BBS9: variants seen among roughly 807,000 people sequenced by gnomAD.
The protein encoded by BBS9 is Bardet-Biedl syndrome 9.
In BBS9, 89 loss-of-function variants were observed where a neutral mutation model predicts 117.7. That is an observed-to-expected ratio of 0.76 (90% CI 0.64 to 0.90). The LOEUF (loss-of-function observed/expected upper bound fraction) is 0.90, where lower values mean the gene tolerates loss of function less well. Ranked by LOEUF, BBS9 falls within the 40% of genes least tolerant of loss-of-function variation. The probability of loss-of-function intolerance (pLI) is 0.00; values close to 1 mark genes in which losing one functional copy is unlikely to be tolerated. For synonymous variants in BBS9, 379 were observed against 370.9 expected (o/e 1.02, Z -0.25); for missense variants, 982 against 1,042.2 (o/e 0.94, Z 0.80).
intron 5 of BBS9, among the ~76,000 whole-genome samples, chr7:33,234,402 C>T (rs1429615185): frequency 6.6e-6 from 1 of 151,918 alleles, no homozygotes; most frequent in Non-Finnish European, 1.5e-5. Context: ...TTGATATATG[C>T]ATGCATTATA....
chr7:33,224,763 A>C (rs1790927263), intron 5 of BBS9, among the ~76,000 whole-genome samples: 1 of 152,164 alleles, frequency 6.6e-6, no homozygotes, highest in Non-Finnish European at 1.5e-5. Flanking sequence ...TTAGATGTAG[A>C]GGACTGGTCA....
At chr7:33,437,842 C>G (rs1835536803) in intron 19 of BBS9, among the ~76,000 whole-genome samples, 1 of 152,198 alleles carries the variant, frequency 6.6e-6, no homozygotes, top group Non-Finnish European at 1.5e-5. Context: ...TGCCACTGCA[C>G]TCCAGCCTGG....
intron 9 of BBS9, among the ~76,000 whole-genome samples, chr7:33,281,826 T>C (rs1211548726): frequency 2.6e-5 from 4 of 152,054 alleles, no homozygotes; most frequent in Non-Finnish European, 5.9e-5. Context: ...TTATTATTAT[T>C]ATTTTTGTGA....
chr7:33,212,428 C>T (rs938455334), intron 5 of BBS9, among the ~76,000 whole-genome samples: 1 of 152,132 alleles, frequency 6.6e-6, no homozygotes, highest in Non-Finnish European at 1.5e-5. Flanking sequence ...TTATGTCAAT[C>T]TCTTTGTTAC....
chr7:33,132,259 A>G (rs1394677737), intron 1 of BBS9, among the ~76,000 whole-genome samples: 1 of 152,200 alleles, frequency 6.6e-6, no homozygotes, highest in African/African-American at 2.4e-5. Flanking sequence ...ACCGCACATC[A>G]CTTAACTAGT....
intron 9 of BBS9, among the ~76,000 whole-genome samples, chr7:33,299,274 C>G (rs1209310037): frequency 6.6e-6 from 1 of 152,046 alleles, no homozygotes; most frequent in African/African-American, 2.4e-5. Context: ...TATTTTTAGT[C>G]TTCAAATTAC....
chr7:33,205,295 A>T (rs187191126), intron 5 of BBS9, among the ~76,000 whole-genome samples: 8 of 152,160 alleles, frequency 5.3e-5, no homozygotes, highest in Admixed American at 4.6e-4. Context: ...GTGCTTGTTC[A>T]TTATGAGAAA....
chr7:33,402,508 T>A (rs1829077512), intron 19 of BBS9, among the ~76,000 whole-genome samples: 1 of 152,196 alleles, frequency 6.6e-6, no homozygotes, highest in Admixed American at 6.6e-5. Context: ...TTACACCTAA[T>A]CCTCACTCCC....
In BBS9 at chr7:33,578,881, A is replaced by G. The variant is rs367591375; in HGVS notation, c.2522-25984A>G. 7.0e-4 allele frequency among the ~76,000 whole-genome samples: 102 copies of G among 145,668 alleles called. 4 individuals carry two copies. In the East Asian group the frequency reaches 0.012, roughly 18 times the overall value. ...ATTCAGAATATACTTAGCAAAGCATATGCAAAAACATATGCAAGAACTAGT... is the reference window on the plus strand; with the variant it reads ...ATTCAGAATATACTTAGCAAAGCATGTGCAAAAACATATGCAAGAACTAGT... On this transcript the variant is annotated intron_variant, in intron 21 of 22. Coordinates refer to ENST00000242067, the MANE Select transcript of BBS9 (RefSeq NM_198428.3).
intron 21 of BBS9, among the ~76,000 whole-genome samples, chr7:33,569,587 C>CT (rs35050430): frequency 0.078 from 11,616 of 148,820 alleles, 519 homozygotes; most frequent in Middle Eastern, 0.094. Flanking sequence ...CCCATCTCTA[C>CT]TTAAAAAAAA....
chr7:33,516,243 C>A (rs1563287750), intron 20 of BBS9, among the ~76,000 whole-genome samples: 1 of 152,014 alleles, frequency 6.6e-6, no homozygotes, highest in Non-Finnish European at 1.5e-5. Context: ...GTAATCCCAG[C>A]ACTTTGGGAG....
At chr7:33,547,757 T>A (rs1483267634) in intron 21 of BBS9, among the ~76,000 whole-genome samples, 1 of 152,222 alleles carries the variant, frequency 6.6e-6, no homozygotes, top group Non-Finnish European at 1.5e-5. Context: ...CTTTCATAGT[T>A]CTTTTACCTC....
chr7:33,343,849 CA>C (rs201818587), intron 11 of BBS9, among the ~76,000 whole-genome samples: 10,292 of 152,016 alleles, frequency 0.068, 388 homozygotes, highest in African/African-American at 0.08. Context: ...TCATTAGCTG[CA>C]TGTCTTAGAT....
intron 9 of BBS9, among the ~76,000 whole-genome samples, chr7:33,305,879 T>G (rs905894617): frequency 6.6e-6 from 1 of 152,086 alleles, no homozygotes; most frequent in South Asian, 2.1e-4. Flanking sequence ...TCTTTTGTAT[T>G]GTGTTCTTCA....
At chr7:33,631,551 G>A (rs1252203237) in intron 21 of BBS9, among the ~76,000 whole-genome samples, 1 of 152,180 alleles carries the variant, frequency 6.6e-6, no homozygotes, top group Non-Finnish European at 1.5e-5. Flanking sequence ...GGCCAAGCAT[G>A]ATTTCGAGGC....
In BBS9 at chr7:33,354,145, G is replaced by A. The variant is rs181545859; in HGVS notation, c.1552+1272G>A. ...AGTGTTTCAATACAAAGTGAAAGCT[G>A]GTTTTAATAATCTCTTTGATATATT... On this transcript the variant is annotated intron_variant, in intron 15 of 22. Coordinates refer to ENST00000242067, the MANE Select transcript of BBS9 (RefSeq NM_198428.3). Among the ~76,000 whole-genome samples the A allele has an allele frequency of 1.8e-3, 270 of 152,156 alleles. 4 individuals carry two copies. In the South Asian group the frequency reaches 0.032, roughly 18 times the overall value.
intron 9 of BBS9, among the ~76,000 whole-genome samples, chr7:33,278,271 CAG>C (rs1801165125): frequency 6.6e-6 from 1 of 152,188 alleles, no homozygotes; most frequent in Admixed American, 6.5e-5. Context: ...TTCCTACTGA[CAG>C]GGGGCATAGT....
chr7:33,307,449 G>T (rs1418963058), intron 9 of BBS9, among the ~76,000 whole-genome samples: 1 of 151,630 alleles, frequency 6.6e-6, no homozygotes, highest in African/African-American at 2.4e-5. Flanking sequence ...TACAAAATTG[G>T]CTTGTCCAGT....
intron 5 of BBS9, among the ~76,000 whole-genome samples, chr7:33,245,473 CTAAT>C (rs1397359009): frequency 1.3e-5 from 2 of 152,086 alleles, no homozygotes. Flanking sequence ...CATACCAAAA[CTAAT>C]TATTTCAGGA....
Sources: gnomAD v4.1 joint callset for allele counts (sites outside exome capture counted in the v4.1 genomes callset) on GRCh38, gnomAD v4.1.1 for gene constraint, MANE v1.5 for transcripts, NCBI Gene and HGNC (gene_info 2026-07-23, HGNC 2026-07-21) for gene names.